ZCWPW2: variants seen among roughly 807,000 people sequenced by gnomAD.
ZCWPW2 encodes zinc finger CW-type PWWP domain protein 2.
A neutral mutation model predicts 46.6 loss-of-function variants in ZCWPW2; 45 were observed. The observed-to-expected ratio is 0.96, with a 90% CI of 0.76 to 1.24. The LOEUF (loss-of-function observed/expected upper bound fraction) is 1.24. ZCWPW2 is among the 50% of genes most tolerant of loss of function. ZCWPW2 has a pLI of 0.00. For missense variants in ZCWPW2, 429 were observed against 403.9 expected (o/e 1.06, Z -0.53); for synonymous variants, 152 against 137.1 (o/e 1.11, Z -0.76).
rs370582408 is a variant in ZCWPW2, at chr3:28,514,059, T to C, written c.658-5T>C. On this transcript the variant is annotated splice_polypyrimidine_tract_variant and splice_region_variant and intron_variant, in intron 6 of 9. Coordinates refer to ENST00000383768, the MANE Select transcript of ZCWPW2 (RefSeq NM_001040432.4). ...CTAACTCATATTTTTGTTTTTGTGT[T>C]ATAGAAGCAGACTTCTAAAAATAAT... The C allele has an allele frequency of 1.6e-5, 24 of 1,505,722 alleles. No individual in the cohort carries two copies. In the African/African-American group the frequency reaches 2.1e-4, roughly 13 times the overall value. 93.3% of individuals were successfully genotyped at this position (1,505,722 alleles called of 1,614,324 possible).
Position 28,406,011 on chromosome 3 carries a change from G to C in ZCWPW2, c.-13-7045G>C, listed in dbSNP as rs1028261198. Among the ~76,000 whole-genome samples the C allele has an allele frequency of 3.3e-5, 5 of 152,200 alleles. No homozygotes were observed. In the East Asian group the frequency reaches 9.6e-4, roughly 29 times the overall value. On this transcript the variant is annotated intron_variant, in intron 2 of 9. Transcript: ENST00000383768. ...ATGTGGCAAAGAACTTGGCTCAATT[G>C]TGTTCATGTTCTAGTGTTTTGTGGA...
intron 2 of ZCWPW2, among the ~76,000 whole-genome samples, chr3:28,398,648 C>G (rs929627564): frequency 2.6e-5 from 4 of 152,172 alleles, no homozygotes. Flanking sequence ...GGGAAATTGT[C>G]TGCCCCCAAA....
At chr3:28,453,402 A>G (rs979601960) in intron 4 of ZCWPW2, among the ~76,000 whole-genome samples, 3 of 152,216 alleles carry the variant, frequency 2.0e-5, no homozygotes, top group Non-Finnish European at 2.9e-5. Context: ...TTCACTCAGT[A>G]TATAAAGAAT....
intron 8 of ZCWPW2, among the ~76,000 whole-genome samples, chr3:28,518,994 C>T (rs559262292): frequency 5.3e-5 from 8 of 152,268 alleles, no homozygotes; most frequent in African/African-American, 1.7e-4. Context: ...ATAGACATGA[C>T]ATTGTTATAT....
chr3:28,383,844 A>G (rs955673329), intron 1 of ZCWPW2, among the ~76,000 whole-genome samples: 1 of 152,146 alleles, frequency 6.6e-6, no homozygotes, highest in Non-Finnish European at 1.5e-5. Context: ...ACATTTGCCT[A>G]TTTTATAAAA....
At chr3:28,356,294 A>G (rs1704728214) in intron 1 of ZCWPW2, among the ~76,000 whole-genome samples, 1 of 152,004 alleles carries the variant, frequency 6.6e-6, no homozygotes, top group African/African-American at 2.4e-5. Flanking sequence ...AATCACAACC[A>G]CAATGAGACA....
chr3:28,373,246 CA>C (rs1328175864), intron 1 of ZCWPW2, among the ~76,000 whole-genome samples: 15 of 152,118 alleles, frequency 9.9e-5, no homozygotes, highest in African/African-American at 3.4e-4. Flanking sequence ...TTTTACATAG[CA>C]GCTATACTAA....
At chr3:28,349,293 T>TGG (rs146821878) in intron 1 of ZCWPW2, 90 bp downstream of exon 1, 2 of 818,182 alleles carry the variant, frequency 2.4e-6, no homozygotes, top group African/African-American at 3.7e-5. Context: ...AGTGTCCTTT[T>TGG]GGGGGGTCCC....
At position 28,469,592 on chromosome 3, in the gene ZCWPW2, G is replaced by T. The variant is rs533212905; in HGVS notation, c.493-9222G>T. 7.9e-5 allele frequency among the ~76,000 whole-genome samples: 12 copies of T among 151,912 alleles called. No individual in the cohort carries two copies. In the South Asian group the frequency reaches 2.5e-3, roughly 32 times the overall value. On this transcript the variant is annotated intron_variant, in intron 4 of 9. Transcript: ENST00000383768. Reference sequence around the variant, plus strand: ...ATATACTTAATACCAGACAATATAGGTTTCAAGACAAAAACTGTAAGAAGA... The same window carrying T: ...ATATACTTAATACCAGACAATATAGTTTTCAAGACAAAAACTGTAAGAAGA...
intron 2 of ZCWPW2, among the ~76,000 whole-genome samples, chr3:28,402,951 G>A (rs1696010005): frequency 6.6e-6 from 1 of 152,076 alleles, no homozygotes; most frequent in African/African-American, 2.4e-5. Context: ...ATACTGAATG[G>A]GAAAAAGTTG....
chr3:28,441,455 C>T lies in ZCWPW2; in HGVS notation c.492+6186C>T, dbSNP rs78865759. On this transcript the variant is annotated intron_variant, in intron 4 of 9. Coordinates refer to ENST00000383768, the MANE Select transcript of ZCWPW2 (RefSeq NM_001040432.4). The stretch of plus-strand genomic sequence containing the variant: ...GAAGTTTTGCCTACTGGGAAGATTA[C>T]CATTCACAACTCTCCTTCAGGGATG... Among the ~76,000 whole-genome samples, 1,037 of 152,254 alleles carry T rather than the reference C, an allele frequency of 6.8e-3. 10 individuals carry two copies. Among genetic ancestry groups the T allele is most frequent in the African/African-American group, 0.023 (940 of 41,540 alleles).
chr3:28,511,622 CTCT>C (rs1004607741), intron 6 of ZCWPW2, among the ~76,000 whole-genome samples: 5 of 152,124 alleles, frequency 3.3e-5, no homozygotes, highest in African/African-American at 4.8e-5. Flanking sequence ...ATCACCATCA[CTCT>C]TCTTCTGAAT....
chr3:28,461,528 T>C (rs1212185515), intron 4 of ZCWPW2: 1 of 152,160 alleles, frequency 6.6e-6, no homozygotes, highest in African/African-American at 2.4e-5. Flanking sequence ...TCTTTTTCCT[T>C]TGTAGAGGCT....
chr3:28,489,227 GT>G (rs1411277587), intron 5 of ZCWPW2, among the ~76,000 whole-genome samples: 3 of 151,840 alleles, frequency 2.0e-5, no homozygotes, highest in South Asian at 4.2e-4. Flanking sequence ...TCCAATTTTA[GT>G]TTTTGAGTTT....
Position 28,478,880 on chromosome 3 carries a change from G to GCTCA in ZCWPW2, c.559_560insCTCA (p.Gly187AlafsTer6). ...ACTACAAGAAGCATGTCTACTCTAT[G>GCTCA]GATATTCTCATGAGCAAAGACTGGA... On this transcript the variant is annotated frameshift_variant, in exon 5 of 10. Transcript: ENST00000383768. LOFTEE classifies it high-confidence loss of function. 1 of 1,588,874 alleles carries GCTCA rather than the reference G, an allele frequency of 6.3e-7. No individual in the cohort carries two copies. Among genetic ancestry groups the GCTCA allele is most frequent in the Non-Finnish European group, 8.5e-7 (1 of 1,171,194 alleles).
chr3:28,394,376 A>G (rs559217205), intron 2 of ZCWPW2, among the ~76,000 whole-genome samples: 1 of 152,284 alleles, frequency 6.6e-6, no homozygotes, highest in East Asian at 1.9e-4. Flanking sequence ...TGCAATTTCT[A>G]TCAAAATTCC....
intron 4 of ZCWPW2, among the ~76,000 whole-genome samples, chr3:28,464,817 A>T (rs182832534): frequency 6.6e-6 from 1 of 152,274 alleles, no homozygotes; most frequent in Non-Finnish European, 1.5e-5. Flanking sequence ...GGGGGAGTAA[A>T]ACTAATTTCA....
chr3:28,499,843 A>G (rs1700093623), intron 6 of ZCWPW2, among the ~76,000 whole-genome samples: 1 of 151,988 alleles, frequency 6.6e-6, no homozygotes, highest in South Asian at 2.1e-4. Flanking sequence ...ATAGACACTT[A>G]TTAGTTATTA....
rs535720804 is a variant in ZCWPW2, at chr3:28,512,335, G to A, written c.658-1729G>A. ...TGGAATTACAGGTGTGCACCACCAT[G>A]CCTGGCTGATTTTTTTATTTTTTAT... On this transcript the variant is annotated intron_variant, in intron 6 of 9. Transcript: ENST00000383768. Among the ~76,000 whole-genome samples the A allele has an allele frequency of 2.6e-5, 4 of 152,066 alleles. No individual in the cohort carries two copies. The East Asian group carries it at 7.7e-4, about 29-fold the overall frequency.
Sources: allele counts gnomAD v4.1 joint callset (sites outside exome capture counted in the v4.1 genomes callset), GRCh38; gene constraint gnomAD v4.1.1; transcripts MANE v1.5; gene names NCBI Gene and HGNC (gene_info 2026-07-23, HGNC 2026-07-21).